The following ZDHHC17 variants were observed in gnomAD, a reference collection of about 807,000 sequenced individuals.
ZDHHC17 encodes zDHHC palmitoyltransferase 17, also known as palmitoyltransferase ZDHHC17.
In ZDHHC17, 40 loss-of-function variants were observed where a neutral mutation model predicts 90.3. The ratio of observed to expected loss-of-function variants is 0.44; its 90% CI spans 0.34 to 0.58. The LOEUF is 0.58. ZDHHC17 is among the 20% of genes least tolerant of loss of function. The probability of loss-of-function intolerance (pLI) is 0.01; values close to 1 mark genes in which losing one functional copy is unlikely to be tolerated. For synonymous variants in ZDHHC17, 235 were observed against 252.4 expected (o/e 0.93, Z 0.65); for missense variants, 614 against 780.8 (o/e 0.79, Z 2.55).
chr12:76,815,168 A>G lies in ZDHHC17; in HGVS notation c.566A>G (p.Asn189Ser). ...CAGGATGTAGATATGATGGATCAGA[A>G]TGGAATGACGCCTTTAATGTGGGCA... The part of the protein sequence containing the change: ...KGQDVDMMDQ[N>S]GMTPLMWAAY... The change falls in exon 6 of 17, where the codon AAT (asparagine) becomes AGT (serine). Residue 189 changes from asparagine to serine, a missense_variant. Physicochemically the swap from Asn to Ser is conservative, Grantham distance 46 (BLOSUM62 1). Coordinates refer to ENST00000426126, the MANE Select transcript of ZDHHC17 (RefSeq NM_015336.4). The G allele has an allele frequency of 6.4e-7, 1 of 1,567,024 alleles. No homozygotes were observed. The highest frequency in any genetic ancestry group is 8.7e-7 in the Non-Finnish European group (1 of 1,153,834).
At chr12:76,819,976 A>G (rs1233742720) in intron 7 of ZDHHC17, among the ~76,000 whole-genome samples, 1 of 148,200 alleles carries the variant, frequency 6.7e-6, no homozygotes, top group Non-Finnish European at 1.5e-5. Context: ...CTGGGCAACA[A>G]GAGTGAAACT....
At chr12:76,813,394 A>C in intron 5 of ZDHHC17, 1 of 447,952 alleles carries the variant, frequency 2.2e-6, no homozygotes, top group South Asian at 1.6e-5. Context: ...TATTAAAGTA[A>C]ATCCAGAAAT....
intron 1 of ZDHHC17, 52 bp downstream of exon 1, chr12:76,764,381 T>C: frequency 6.7e-7 from 1 of 1,501,970 alleles, no homozygotes; most frequent in Non-Finnish European, 9.0e-7. Flanking sequence ...CCAGCCTTTC[T>C]TCCCCGGACT....
intron 2 of ZDHHC17, among the ~76,000 whole-genome samples, chr12:76,802,936 T>C (rs1952909302): frequency 6.6e-6 from 1 of 152,190 alleles, no homozygotes; most frequent in South Asian, 2.1e-4. Flanking sequence ...TGTTTTGTTT[T>C]TACTTTCAGT....
intron 10 of ZDHHC17, among the ~76,000 whole-genome samples, chr12:76,833,896 C>A (rs1259166651): frequency 6.6e-6 from 1 of 152,036 alleles, no homozygotes; most frequent in Non-Finnish European, 1.5e-5. Flanking sequence ...TGTTTCTCTT[C>A]GTATTATTTA....
At chr12:76,815,124 T>A (rs1356413791) in intron 5 of ZDHHC17, 22 bp from the exon 6 acceptor site, 1 of 1,524,852 alleles carries the variant, frequency 6.6e-7, no homozygotes, top group Non-Finnish European at 8.8e-7. Context: ...CTGTCTGACT[T>A]TTTTTCTTTT....
At chr12:76,840,223 G>A (rs1434202588) in intron 10 of ZDHHC17, 1 of 151,686 alleles carries the variant, frequency 6.6e-6, no homozygotes, top group African/African-American at 2.4e-5. Flanking sequence ...TTAATTCTGG[G>A]TTGTAGAGTT....
chr12:76,821,145 C>A (rs1362482607), intron 7 of ZDHHC17: 21 of 1,280,290 alleles, frequency 1.6e-5, no homozygotes, highest in Non-Finnish European at 1.8e-5. Context: ...GGAGTTGTTA[C>A]CCAAGGGATT....
At chr12:76,764,843 TGTGTC>T (rs1423299371) in intron 1 of ZDHHC17, 1 of 456,228 alleles carries the variant, frequency 2.2e-6, no homozygotes, top group East Asian at 6.9e-5. Flanking sequence ...TCGGGCACCT[TGTGTC>T]GGGCGTCCTT....
At chr12:76,830,261 G>A (rs771432952) in intron 10 of ZDHHC17, among the ~76,000 whole-genome samples, 3 of 152,072 alleles carry the variant, frequency 2.0e-5, no homozygotes, top group Non-Finnish European at 4.4e-5. Context: ...ACCTGGTTTT[G>A]TTTCACAGCC....
At chr12:76,821,746 CTTAT>C (rs1953164582) in intron 7 of ZDHHC17, among the ~76,000 whole-genome samples, 1 of 152,062 alleles carries the variant, frequency 6.6e-6, no homozygotes, top group Non-Finnish European at 1.5e-5. Flanking sequence ...ATTGGGAATG[CTTAT>C]TTGTTTCTTA....
chr12:76,833,779 C>T (rs1413181397), intron 10 of ZDHHC17, among the ~76,000 whole-genome samples: 9 of 152,034 alleles, frequency 5.9e-5, no homozygotes, highest in South Asian at 2.1e-4. Context: ...GGCAACAGAG[C>T]GAGACTCTGT....
rs532152440 is a variant in ZDHHC17, at chr12:76,764,227, T to C, written c.-10T>C. On this transcript the variant is annotated 5_prime_UTR_variant, in exon 1 of 17. Coordinates refer to ENST00000426126, the MANE Select transcript of ZDHHC17 (RefSeq NM_015336.4). ...CCGAGCCCCGGGAGGGTGAAACGCT[T>C]TCTCCCAGCATGCAGCGGGAGGAGG... is the stretch of plus-strand genomic sequence containing the variant. The C allele has an allele frequency of 1.0e-5, 16 of 1,586,374 alleles. No homozygotes were observed. The African/African-American group carries it at 2.2e-4, about 21-fold the overall frequency.
intron 2 of ZDHHC17, among the ~76,000 whole-genome samples, chr12:76,801,874 A>G (rs181097916): frequency 6.6e-6 from 1 of 152,336 alleles, no homozygotes; most frequent in Admixed American, 6.5e-5. Flanking sequence ...AAAATTATAT[A>G]GAAACAATAT....
At chr12:76,818,244 TTATATG>T (rs1953113194) in intron 7 of ZDHHC17, among the ~76,000 whole-genome samples, 1 of 152,192 alleles carries the variant, frequency 6.6e-6, no homozygotes, top group African/African-American at 2.4e-5. Context: ...AAAATGCACT[TTATATG>T]TAATTAAAAA....
intron 8 of ZDHHC17, among the ~76,000 whole-genome samples, chr12:76,823,256 C>T (rs1380439137): frequency 6.6e-6 from 1 of 152,198 alleles, no homozygotes; most frequent in African/African-American, 2.4e-5. Flanking sequence ...CTACTCACAA[C>T]TCCAGCTCTA....
chr12:76,770,735 C>T (rs940175297), intron 1 of ZDHHC17, among the ~76,000 whole-genome samples: 3 of 151,876 alleles, frequency 2.0e-5, no homozygotes, highest in Non-Finnish European at 2.9e-5. Context: ...GTCGGGAGTT[C>T]GAGACCAGCC....
At chr12:76,801,605 G>T (rs1368897197) in intron 2 of ZDHHC17, among the ~76,000 whole-genome samples, 1 of 152,104 alleles carries the variant, frequency 6.6e-6, no homozygotes, top group African/African-American at 2.4e-5. Flanking sequence ...AGTGAGCCGA[G>T]ATCGCGCCAC....
At chr12:76,794,824 C>T (rs1275799669) in intron 1 of ZDHHC17, among the ~76,000 whole-genome samples, 1 of 152,036 alleles carries the variant, frequency 6.6e-6, no homozygotes. Flanking sequence ...TTCTTGAAAA[C>T]TTTATGATAG....
Sources: allele counts gnomAD v4.1 joint callset (sites outside exome capture counted in the v4.1 genomes callset), GRCh38; gene constraint gnomAD v4.1.1; transcripts MANE v1.5; gene names NCBI Gene and HGNC (gene_info 2026-07-23, HGNC 2026-07-21).